The following NFKB1 variants were observed in gnomAD, a reference collection of about 807,000 sequenced individuals.
NFKB1 encodes nuclear factor NF-kappa-B p105 subunit.
A neutral mutation model predicts 105.1 loss-of-function variants in NFKB1; 9 were observed. The ratio of observed to expected loss-of-function variants is 0.09; its 90% CI spans 0.05 to 0.15. The LOEUF (loss-of-function observed/expected upper bound fraction) is 0.15, where lower values mean the gene tolerates loss of function less well. Ranked by LOEUF, NFKB1 falls within the 10% of genes least tolerant of loss-of-function variation. NFKB1 has a pLI of 1.00. For missense variants in NFKB1, 830 were observed against 1,203.7 expected (o/e 0.69, Z 4.59); for synonymous variants, 440 against 442.2 (o/e 1.00, Z 0.06).
chr4:102,593,287 A>G, intron 11 of NFKB1, 138 bp from the exon 12 acceptor site: 1 of 821,320 alleles, frequency 1.2e-6, no homozygotes, highest in Non-Finnish European at 1.9e-6. Context: ...CTTGAAATTT[A>G]CCATCTCTTC....
At chr4:102,531,709 T>G (rs1741304868) in intron 3 of NFKB1, among the ~76,000 whole-genome samples, 1 of 151,632 alleles carries the variant, frequency 6.6e-6, no homozygotes, top group South Asian at 2.1e-4. Context: ...TCTAGTTGAT[T>G]TAACTTTAAT....
chr4:102,611,351 T>TGGC (rs1178024351), intron 20 of NFKB1, among the ~76,000 whole-genome samples: 11 of 2,494 alleles, frequency 4.4e-3, no homozygotes. Flanking sequence ...TCACTGACGT[T>TGGC]AGCATGGTTC....
chr4:102,570,866 C>T (rs1724281153), intron 6 of NFKB1, among the ~76,000 whole-genome samples: 1 of 152,154 alleles, frequency 6.6e-6, no homozygotes, highest in Admixed American at 6.5e-5. Context: ...ATTCCATGCT[C>T]ATGGATAGGA....
chr4:102,529,154 A>G (rs1047206171), intron 2 of NFKB1, among the ~76,000 whole-genome samples: 4 of 151,976 alleles, frequency 2.6e-5, no homozygotes, highest in Non-Finnish European at 4.4e-5. Context: ...GGTAGCACTC[A>G]CAGTTTCTGA....
At chr4:102,552,316 A>T (rs1018236675) in intron 5 of NFKB1, among the ~76,000 whole-genome samples, 3 of 152,154 alleles carry the variant, frequency 2.0e-5, no homozygotes, top group Non-Finnish European at 2.9e-5. Context: ...GGAAAAAAGG[A>T]TTAAATGTGT....
intron 1 of NFKB1, among the ~76,000 whole-genome samples, chr4:102,504,682 C>T (rs766307169): frequency 6.6e-6 from 1 of 152,130 alleles, no homozygotes; most frequent in African/African-American, 2.4e-5. Context: ...ACTCTTGCAC[C>T]TCCCATAAAT....
intron 1 of NFKB1, among the ~76,000 whole-genome samples, chr4:102,520,778 A>T (rs1297608676): frequency 6.6e-6 from 1 of 152,068 alleles, no homozygotes; most frequent in African/African-American, 2.4e-5. Flanking sequence ...TTAAAGTTGA[A>T]ATTTTTCTAT....
At chr4:102,609,432 C>T (rs1003305125) in intron 19 of NFKB1, among the ~76,000 whole-genome samples, 2 of 151,506 alleles carry the variant, frequency 1.3e-5, no homozygotes, top group Non-Finnish European at 2.9e-5. Context: ...GCCAACATGA[C>T]GAAACCCCAT....
At chr4:102,583,826 A>G (rs1195554037) in intron 10 of NFKB1, among the ~76,000 whole-genome samples, 1 of 151,058 alleles carries the variant, frequency 6.6e-6, no homozygotes, top group African/African-American at 2.4e-5. Context: ...CAATCCAGAT[A>G]TTCATCAGTA....
At chr4:102,532,425 A>C (rs1741353738) in intron 3 of NFKB1, among the ~76,000 whole-genome samples, 1 of 152,130 alleles carries the variant, frequency 6.6e-6, no homozygotes, top group Non-Finnish European at 1.5e-5. Flanking sequence ...TCAGGAGTTC[A>C]AGACCAGCCT....
At chr4:102,579,410 A>T (rs1388235081) in intron 8 of NFKB1, among the ~76,000 whole-genome samples, 1 of 152,112 alleles carries the variant, frequency 6.6e-6, no homozygotes. Context: ...AGGAGTTTAT[A>T]AAAGACAACT....
intron 23 of NFKB1, among the ~76,000 whole-genome samples, chr4:102,615,078 C>G (rs1728819216): frequency 1.3e-5 from 2 of 152,124 alleles, no homozygotes; most frequent in South Asian, 4.1e-4. Context: ...GTCCACCTCC[C>G]TTCAGTCCAT....
chr4:102,541,377 A>G (rs1741988683), intron 5 of NFKB1, among the ~76,000 whole-genome samples: 1 of 152,182 alleles, frequency 6.6e-6, no homozygotes, highest in Non-Finnish European at 1.5e-5. Context: ...TTATTAGTAG[A>G]TATTTCTTAT....
chr4:102,596,603 A>T (rs1726637159), intron 14 of NFKB1, among the ~76,000 whole-genome samples: 3 of 152,104 alleles, frequency 2.0e-5, no homozygotes, highest in Admixed American at 1.3e-4. Context: ...ATTGTGAGAG[A>T]TAATCAACTT....
In NFKB1 at chr4:102,613,470, A is replaced by G. The variant is rs756502096; in HGVS notation, c.2638A>G (p.Met880Val). The G allele has an allele frequency of 1.2e-6, 2 of 1,613,784 alleles. No individual in the cohort carries two copies. The highest frequency in any genetic ancestry group is 8.5e-7 in the Non-Finnish European group (1 of 1,179,980). ...AGAGCTGGTGGAGGCCCTGAGACAA[A>G]TGGGCTACACCGAAGCAATTGAAGT... ...VRELVEALRQ[M>V]GYTEAIEVIQ... The change falls in exon 23 of 24, where the codon ATG (methionine) becomes GTG (valine). Residue 880 changes from methionine (M) to valine (V), a missense_variant. Coordinates refer to ENST00000226574, the MANE Select transcript of NFKB1 (RefSeq NM_003998.4).
At chr4:102,580,487 T>G (rs1322460764) in intron 8 of NFKB1, 48 bp from the exon 9 acceptor site, 4 of 1,525,798 alleles carry the variant, frequency 2.6e-6, no homozygotes, top group Admixed American at 1.7e-5. Flanking sequence ...ACTGGCTTGT[T>G]GAGCTGAGGA....
At chr4:102,558,607 A>G (rs1578760368) in intron 5 of NFKB1, among the ~76,000 whole-genome samples, 1 of 152,184 alleles carries the variant, frequency 6.6e-6, no homozygotes, top group East Asian at 1.9e-4. Flanking sequence ...CATTATTTCA[A>G]GCACTGAGGA....
chr4:102,613,385 G>C, intron 22 of NFKB1, 40 bp from the exon 23 acceptor site: 1 of 1,603,760 alleles, frequency 6.2e-7, no homozygotes. Flanking sequence ...ACTGGGACTC[G>C]AACACAAGAA....
chr4:102,530,110 A>G (rs1394743114), intron 3 of NFKB1, among the ~76,000 whole-genome samples, 196 bp downstream of exon 3: 1 of 152,188 alleles, frequency 6.6e-6, no homozygotes, highest in Non-Finnish European at 1.5e-5. Context: ...TACCCCTTGT[A>G]TGGTTTACTG....
Sources: allele counts gnomAD v4.1 joint callset (sites outside exome capture counted in the v4.1 genomes callset), GRCh38; gene constraint gnomAD v4.1.1; transcripts MANE v1.5; gene names NCBI Gene and HGNC (gene_info 2026-07-23, HGNC 2026-07-21).